Variants in MPPED2 observed in about 807,000 individuals in gnomAD.
MPPED2 encodes the protein metallophosphoesterase domain containing 2.
MPPED2 carries 5 observed loss-of-function variants against 33.0 expected under a neutral mutation model. The observed-to-expected ratio is 0.15, with a 90% CI of 0.08 to 0.32. The LOEUF is 0.32. Among genes scored for constraint, MPPED2 ranks in the 10% least tolerant of loss-of-function variants. The pLI is 1.00. For missense variants in MPPED2, 275 were observed against 372.1 expected (o/e 0.74, Z 2.15); for synonymous variants, 136 against 141.9 (o/e 0.96, Z 0.29).
intron 2 of MPPED2, among the ~76,000 whole-genome samples, chr11:30,550,688 G>A (rs774599570): frequency 9.2e-5 from 14 of 152,180 alleles, no homozygotes; most frequent in East Asian, 1.9e-4. Context: ...AGGTCTGTCC[G>A]GGACACTTTA....
chr11:30,511,486 G>A (rs533992455), intron 3 of MPPED2, among the ~76,000 whole-genome samples: 2 of 152,304 alleles, frequency 1.3e-5, no homozygotes, highest in South Asian at 4.1e-4. Flanking sequence ...TGTCTTTGAG[G>A]GGGATAAGTC....
intron 3 of MPPED2, among the ~76,000 whole-genome samples, chr11:30,520,750 A>C (rs1156347899): frequency 6.6e-6 from 1 of 152,196 alleles, no homozygotes; most frequent in Non-Finnish European, 1.5e-5. Context: ...TTACGTTAAA[A>C]AATAGGGGAG....
chr11:30,503,136 C>T (rs1462397882), intron 3 of MPPED2, among the ~76,000 whole-genome samples: 2 of 152,088 alleles, frequency 1.3e-5, no homozygotes. Context: ...TCATGCTGGT[C>T]TCATGATAGT....
intron 4 of MPPED2, among the ~76,000 whole-genome samples, chr11:30,491,362 A>T (rs1164896429): frequency 6.6e-6 from 1 of 152,202 alleles, no homozygotes; most frequent in African/African-American, 2.4e-5. Flanking sequence ...AACTAAATGA[A>T]GAAGTTAAGG....
chr11:30,465,278 T>A (rs1198945652), intron 4 of MPPED2, among the ~76,000 whole-genome samples: 1 of 152,088 alleles, frequency 6.6e-6, no homozygotes, highest in Non-Finnish European at 1.5e-5. Context: ...TTTAAACTTG[T>A]TTGGTTTTTG....
chr11:30,464,681 A>G (rs1001165573), intron 4 of MPPED2, among the ~76,000 whole-genome samples: 1 of 152,222 alleles, frequency 6.6e-6, no homozygotes, highest in African/African-American at 2.4e-5. Context: ...TTCAGAGACA[A>G]ACCTGGGAAT....
intron 2 of MPPED2, among the ~76,000 whole-genome samples, chr11:30,572,871 A>G (rs1011771364): frequency 6.6e-6 from 1 of 152,158 alleles, no homozygotes; most frequent in Non-Finnish European, 1.5e-5. Flanking sequence ...TTAATTTTAC[A>G]TGGACAAATG....
At chr11:30,404,224 G>A (rs1229582754) in intron 6 of MPPED2, among the ~76,000 whole-genome samples, 1 of 152,252 alleles carries the variant, frequency 6.6e-6, no homozygotes, top group East Asian at 1.9e-4. Flanking sequence ...GCTCAGGGCA[G>A]TATTTCTCCA....
At chr11:30,546,401 T>C (rs1041332850) in intron 2 of MPPED2, among the ~76,000 whole-genome samples, 2 of 152,176 alleles carry the variant, frequency 1.3e-5, no homozygotes, top group Non-Finnish European at 2.9e-5. Flanking sequence ...GAGCATTAAC[T>C]GACCCTAACT....
chr11:30,515,445 C>T (rs1953474769), intron 3 of MPPED2, among the ~76,000 whole-genome samples: 2 of 152,078 alleles, frequency 1.3e-5, no homozygotes, highest in Admixed American at 1.3e-4. Flanking sequence ...AACCACCTGC[C>T]TGAGAGATTC....
At chr11:30,572,515 T>G (rs1394236197) in intron 2 of MPPED2, among the ~76,000 whole-genome samples, 1 of 152,184 alleles carries the variant, frequency 6.6e-6, no homozygotes, top group Admixed American at 6.5e-5. Context: ...ATTTCTATGA[T>G]GAATTTCAGA....
At chr11:30,427,818 C>T (rs953332975) in intron 4 of MPPED2, among the ~76,000 whole-genome samples, 1 of 152,032 alleles carries the variant, frequency 6.6e-6, no homozygotes, top group Non-Finnish European at 1.5e-5. Context: ...ATTTTTTTCC[C>T]TTTCTATTTC....
intron 4 of MPPED2, among the ~76,000 whole-genome samples, chr11:30,479,511 C>G (rs920793473): frequency 2.8e-4 from 42 of 151,960 alleles, no homozygotes; most frequent in Admixed American, 6.6e-4. Context: ...AAAAGCTTGA[C>G]AAATAAATCA....
chr11:30,415,385 C>T (rs542335178), intron 5 of MPPED2, among the ~76,000 whole-genome samples: 118 of 152,226 alleles, frequency 7.8e-4, no homozygotes, highest in Non-Finnish European at 1.3e-3. Context: ...GGCATATTAC[C>T]TCATGCATGT....
chr11:30,563,731 A>G, intron 2 of MPPED2, among the ~76,000 whole-genome samples: 1 of 152,210 alleles, frequency 6.6e-6, no homozygotes, highest in Non-Finnish European at 1.5e-5. Flanking sequence ...TACATATTGA[A>G]GACTGTTTAT....
At position 30,417,598 on chromosome 11, in the gene MPPED2, G is replaced by T. The variant is rs1271779876; in HGVS notation, c.572C>A (p.Pro191His). 1.9e-6 allele frequency: 3 copies of T among 1,613,204 alleles called. No individual in the cohort carries two copies. In the South Asian group the frequency reaches 3.3e-5, roughly 18 times the overall value. ...PWFNGWGFNL[P>H]RGQSLLDKWN... ...CTTGTCCAGCAGAGACTGACCTCTG[G>T]GTAGGTTAAAGCCCCATCCATTAAA... Residue 191 changes from proline (P) to histidine (H), a missense_variant, in exon 5 of 7, where the codon CCC becomes CAC. By Grantham distance (77) the Pro-to-His change is moderately conservative. Coordinates refer to ENST00000358117, the MANE Select transcript of MPPED2 (RefSeq NM_001584.3).
At chr11:30,530,427 G>T (rs1353778583) in intron 3 of MPPED2, among the ~76,000 whole-genome samples, 3 of 152,210 alleles carry the variant, frequency 2.0e-5, no homozygotes. Context: ...TATGCACACT[G>T]CTGTCTGGTA....
intron 2 of MPPED2, among the ~76,000 whole-genome samples, chr11:30,576,716 G>A (rs995325154): frequency 1.3e-5 from 2 of 151,972 alleles, no homozygotes; most frequent in Non-Finnish European, 2.9e-5. Flanking sequence ...TGAAGGGGTT[G>A]TGGAAAAATG....
At chr11:30,388,884 C>T in exon 7 of MPPED2, 1 of 1,558,132 alleles carries the variant, frequency 6.4e-7, no homozygotes, top group African/African-American at 1.4e-5. Flanking sequence ...CCAGTTTCCT[C>T]TAGACTAGGA....
Sources: gnomAD v4.1 joint callset for allele counts (sites outside exome capture counted in the v4.1 genomes callset) on GRCh38, gnomAD v4.1.1 for gene constraint, MANE v1.5 for transcripts, NCBI Gene and HGNC (gene_info 2026-07-23, HGNC 2026-07-21) for gene names.